The following LEMD1 variants were observed in gnomAD, a reference collection of about 807,000 sequenced individuals.
LEMD1 encodes LEM domain-containing protein 1.
LEMD1 carries 18 observed loss-of-function variants against 17.4 expected under a neutral mutation model. The observed-to-expected ratio is 1.04, with a 90% confidence interval of 0.72 to 1.54. The LOEUF is 1.54. LEMD1 is among the 40% of genes most tolerant of loss of function. LEMD1 has a pLI of 0.00. For synonymous variants in LEMD1, 88 were observed against 77.8 expected, an observed-to-expected ratio of 1.13 and a Z score of -0.69; for missense variants, 195 against 210.4, an observed-to-expected ratio of 0.93 and a Z score of 0.45.
intron 4 of LEMD1, among the ~76,000 whole-genome samples, chr1:205,389,037 C>CTTTTTTTTTTTTT (rs61341380): frequency 1.0e-4 from 8 of 77,850 alleles, no homozygotes; most frequent in African/African-American, 1.4e-4. Flanking sequence ...CATTTGCTTT[C>CTTTTTTTTTTTTT]TTTTTTTTTT....
intron 1 of LEMD1, 72 bp from the exon 2 acceptor site, chr1:205,420,646 T>TTGGTAACTA: frequency 1.2e-6 from 1 of 811,818 alleles, no homozygotes; most frequent in South Asian, 1.5e-5. Flanking sequence ...CCAATCCACA[T>TTGGTAACTA]AAGTGTTTAT....
chr1:205,402,134 C>T lies in LEMD1; in HGVS notation c.270+14098G>A, dbSNP rs1339146809. On this transcript the variant is annotated intron_variant, in intron 4 of 5. Transcript: ENST00000367153. ...TGTAGTATAGTTTGAAGTCGGGTAG[C>T]GTGATGCCTTCAGCTTTGTTCTTTT... is the stretch of plus-strand genomic sequence containing the variant. Among the ~76,000 whole-genome samples the T allele has an allele frequency of 5.9e-5, 9 of 152,202 alleles. No homozygotes were observed. The East Asian group carries it at 1.5e-3, about 26-fold the overall frequency.
intron 1 of LEMD1, among the ~76,000 whole-genome samples, chr1:205,433,586 A>G (rs1666160571): frequency 6.6e-6 from 1 of 152,216 alleles, no homozygotes; most frequent in Admixed American, 6.5e-5. Flanking sequence ...TTGATAGAAC[A>G]GATTCAGTCA....
At chr1:205,391,201 G>A (rs1218999091) in intron 4 of LEMD1, among the ~76,000 whole-genome samples, 1 of 152,042 alleles carries the variant, frequency 6.6e-6, no homozygotes, top group Non-Finnish European at 1.5e-5. Context: ...AACAAATTGG[G>A]GTAGATGTAC....
chr1:205,443,408 A>G (rs1224410662), intron 1 of LEMD1, among the ~76,000 whole-genome samples: 1 of 152,172 alleles, frequency 6.6e-6, no homozygotes, highest in East Asian at 1.9e-4. Context: ...GGGGAATTTA[A>G]GAAAATCCTG....
intron 4 of LEMD1, among the ~76,000 whole-genome samples, chr1:205,399,969 G>C (rs77594411): frequency 0.065 from 9,850 of 152,310 alleles, 418 homozygotes; most frequent in East Asian, 0.11. Context: ...TAAGGCTAAC[G>C]AGTGAGGGTC....
chr1:205,414,604 G>A (rs937310068), intron 4 of LEMD1, among the ~76,000 whole-genome samples: 1 of 151,786 alleles, frequency 6.6e-6, no homozygotes, highest in Non-Finnish European at 1.5e-5. Context: ...TTTTTATTTT[G>A]TAGAGACATG....
intron 1 of LEMD1, among the ~76,000 whole-genome samples, chr1:205,439,418 C>T (rs766627033): frequency 6.6e-6 from 1 of 152,256 alleles, no homozygotes; most frequent in African/African-American, 2.4e-5. Context: ...CTGAATCCCA[C>T]CCAATCTGCC....
At chr1:205,447,526 C>G (rs1015817568) in intron 1 of LEMD1, among the ~76,000 whole-genome samples, 1 of 152,076 alleles carries the variant, frequency 6.6e-6, no homozygotes, top group East Asian at 1.9e-4. Flanking sequence ...CCACAGCCAC[C>G]TGTTGGAATC....
chr1:205,413,344 G>A (rs1030727581), intron 4 of LEMD1, among the ~76,000 whole-genome samples: 1 of 152,034 alleles, frequency 6.6e-6, no homozygotes, highest in Non-Finnish European at 1.5e-5. Flanking sequence ...CTAGAGTGCA[G>A]TGGTGTCATC....
At chr1:205,439,757 T>C (rs4951222) in intron 1 of LEMD1, among the ~76,000 whole-genome samples, 133,662 of 152,146 alleles carry the variant, frequency 0.88, 59,693 homozygotes, top group East Asian at 0.99. Flanking sequence ...GCCTGAAGCA[T>C]CTCTGCTGCT....
intron 1 of LEMD1, among the ~76,000 whole-genome samples, chr1:205,447,179 A>G (rs913802788): frequency 6.6e-6 from 1 of 152,232 alleles, no homozygotes; most frequent in African/African-American, 2.4e-5. Context: ...TTCACGTCCC[A>G]GTTGTGCTCC....
chr1:205,382,468 G>A (rs953330762), intron 5 of LEMD1, among the ~76,000 whole-genome samples: 1 of 152,034 alleles, frequency 6.6e-6, no homozygotes, highest in African/African-American at 2.4e-5. Context: ...TCACCATGTT[G>A]CCCAGGCTGG....
At chr1:205,414,758 T>A (rs1032559751) in intron 4 of LEMD1, among the ~76,000 whole-genome samples, 1 of 151,796 alleles carries the variant, frequency 6.6e-6, no homozygotes, top group South Asian at 2.1e-4. Flanking sequence ...TGTGGTGGAG[T>A]GTACCTGTAG....
chr1:205,394,087 T>C (rs1476266581), intron 4 of LEMD1, among the ~76,000 whole-genome samples: 1 of 151,632 alleles, frequency 6.6e-6, no homozygotes, highest in Non-Finnish European at 1.5e-5. Context: ...AAACCTTATA[T>C]GAAGCGAAAG....
intron 4 of LEMD1, among the ~76,000 whole-genome samples, chr1:205,406,784 A>G (rs988833145): frequency 2.6e-5 from 4 of 152,210 alleles, no homozygotes; most frequent in African/African-American, 9.7e-5. Flanking sequence ...TGCCGAAATC[A>G]CAGCGTCTTC....
intron 4 of LEMD1, among the ~76,000 whole-genome samples, chr1:205,409,305 C>T (rs973975837): frequency 2.0e-5 from 3 of 152,166 alleles, no homozygotes; most frequent in Non-Finnish European, 4.4e-5. Flanking sequence ...CATTCATTTT[C>T]CATTATGTTA....
rs781637300 is a variant in LEMD1, at chr1:205,381,778, CTGGTCTTCCGCGCAG to C, written c.411_425del (p.Tyr137_Gln142delinsTer). 16 of 1,614,112 alleles carry C rather than the reference CTGGTCTTCCGCGCAG, an allele frequency of 9.9e-6. No homozygotes were observed. The highest frequency in any genetic ancestry group is 3.4e-6 in the Non-Finnish European group (4 of 1,180,046). ...CTTCTTCTCTCCAGCTCTCGATAGTCTGGTCTTCCGCGCAGTAGTCTCTCTCTTTGGTGATAGTCC... is the reference window on the plus strand; with the variant it reads ...CTTCTTCTCTCCAGCTCTCGATAGTCTAGTCTCTCTCTTTGGTGATAGTCC... On this transcript the variant is annotated stop_gained and inframe_deletion, in exon 6 of 6. Transcript: ENST00000367153. LOFTEE classifies it low-confidence loss of function (END_TRUNC).
chr1:205,441,979 A>G lies in LEMD1; in HGVS notation c.-39+7889T>C, dbSNP rs180745609. On this transcript the variant is annotated intron_variant, in intron 1 of 3. Coordinates refer to the LEMD1 transcript ENST00000367154. This position sits in a 1 kb window ranked among gnomAD's most constrained non-coding sequence, Gnocchi z 4.3. Reference sequence around the variant, plus strand: ...GAGCTCAGCTTCAGTCTGCAAGAGTATCCCTTTCTCCAAAGGCTCATTTAG... The same window carrying G: ...GAGCTCAGCTTCAGTCTGCAAGAGTGTCCCTTTCTCCAAAGGCTCATTTAG... Among the ~76,000 whole-genome samples, 3 of 152,290 alleles carry G rather than the reference A, an allele frequency of 2.0e-5. No homozygotes were observed. The highest frequency in any genetic ancestry group is 4.4e-5 in the Non-Finnish European group (3 of 68,022).
Sources: gnomAD v4.1 joint callset for allele counts (sites outside exome capture counted in the v4.1 genomes callset) on GRCh38, gnomAD v4.1.1 for gene constraint, Gnocchi (gnomAD v3.1) non-coding constraint, MANE v1.5 for transcripts, NCBI Gene and HGNC (gene_info 2026-07-23, HGNC 2026-07-21) for gene names.